Variants in DPP10 observed in about 807,000 individuals in gnomAD.
DPP10 encodes the protein dipeptidyl peptidase like 10.
DPP10 carries 33 observed loss-of-function variants against 120.9 expected under a neutral mutation model. The observed-to-expected ratio is 0.27, with a 90% confidence interval of 0.21 to 0.37. The LOEUF (loss-of-function observed/expected upper bound fraction) is 0.37, where lower values mean the gene tolerates loss of function less well. Among genes scored for constraint, DPP10 ranks in the 10% least tolerant of loss-of-function variants. DPP10 has a pLI of 1.00. For missense variants in DPP10, 816 were observed against 942.8 expected (o/e 0.87, Z 1.76); for synonymous variants, 337 against 326.1 (o/e 1.03, Z -0.36).
intron 13 of DPP10, among the ~76,000 whole-genome samples, chr2:115,769,912 T>C (rs993182862): frequency 6.6e-6 from 1 of 151,120 alleles, no homozygotes; most frequent in Non-Finnish European, 1.5e-5. Flanking sequence ...TGACATTTCA[T>C]TGAATTTTTA....
At chr2:115,504,561 T>G (rs1009637459) in intron 4 of DPP10, among the ~76,000 whole-genome samples, 6 of 152,126 alleles carry the variant, frequency 3.9e-5, no homozygotes, top group African/African-American at 7.2e-5. Flanking sequence ...AAATGATTAT[T>G]TATGTTTGTT....
intron 5 of DPP10, among the ~76,000 whole-genome samples, chr2:115,572,993 A>G (rs529372435): frequency 1.2e-4 from 19 of 152,302 alleles, no homozygotes; most frequent in African/African-American, 4.3e-4. Flanking sequence ...AGCTGTTTCT[A>G]AATGCTGAGA....
chr2:114,779,577 G>C (rs544617751), intron 1 of DPP10, among the ~76,000 whole-genome samples: 1 of 152,002 alleles, frequency 6.6e-6, no homozygotes, highest in Non-Finnish European at 1.5e-5. Context: ...ATCAGTTTAC[G>C]CTGAGGACTT....
intron 1 of DPP10, among the ~76,000 whole-genome samples, chr2:115,148,507 T>G (rs550771722): frequency 6.6e-6 from 1 of 152,246 alleles, no homozygotes; most frequent in South Asian, 2.1e-4. Context: ...CAGGAGCAAT[T>G]TTATAGCTGT....
intron 5 of DPP10, among the ~76,000 whole-genome samples, chr2:115,672,660 C>A (rs2089971713): frequency 4.4e-5 from 5 of 112,592 alleles, no homozygotes; most frequent in African/African-American, 1.6e-4. Context: ...CTCTTTCTTT[C>A]TTTCTTTCTC....
intron 3 of DPP10, among the ~76,000 whole-genome samples, chr2:115,493,518 A>G (rs945887457): frequency 2.4e-4 from 12 of 49,444 alleles, no homozygotes; most frequent in Non-Finnish European, 3.7e-4. Flanking sequence ...GAGCTGTTGG[A>G]AAAAAAAAAA....
chr2:114,594,783 G>A (rs1020996639), intron 1 of DPP10, among the ~76,000 whole-genome samples: 2 of 151,884 alleles, frequency 1.3e-5, no homozygotes, highest in Non-Finnish European at 2.9e-5. Context: ...TAAATTCATT[G>A]TTGCTATCTT....
chr2:114,753,556 T>TA (rs1223452334), intron 1 of DPP10, among the ~76,000 whole-genome samples: 1 of 152,154 alleles, frequency 6.6e-6, no homozygotes, highest in Non-Finnish European at 1.5e-5. Flanking sequence ...CTTGATATGA[T>TA]AAAATATGTT....
At chr2:114,668,847 G>A (rs1698126276) in intron 1 of DPP10, among the ~76,000 whole-genome samples, 1 of 151,886 alleles carries the variant, frequency 6.6e-6, no homozygotes, top group African/African-American at 2.4e-5. Flanking sequence ...CAGAAGTTAT[G>A]CCCTTTATTA....
At chr2:115,805,367 C>A (rs1455430709) in intron 19 of DPP10, among the ~76,000 whole-genome samples, 2 of 152,120 alleles carry the variant, frequency 1.3e-5, no homozygotes, top group African/African-American at 4.8e-5. Flanking sequence ...TTCCCTGACC[C>A]CTTGCGCTTC....
At chr2:115,089,424 T>C (rs1235864147) in intron 1 of DPP10, among the ~76,000 whole-genome samples, 1 of 152,216 alleles carries the variant, frequency 6.6e-6, no homozygotes, top group Non-Finnish European at 1.5e-5. Context: ...TAATTGGACA[T>C]ATCCCTAATG....
At chr2:114,916,211 A>C (rs1694792950) in intron 1 of DPP10, among the ~76,000 whole-genome samples, 1 of 152,222 alleles carries the variant, frequency 6.6e-6, no homozygotes, top group Non-Finnish European at 1.5e-5. Context: ...TATTCACATA[A>C]ACTACAAAAC....
chr2:114,681,351 A>T (rs1462233456), intron 1 of DPP10, among the ~76,000 whole-genome samples: 1 of 151,998 alleles, frequency 6.6e-6, no homozygotes, highest in Non-Finnish European at 1.5e-5. Context: ...CTCTCAAGCC[A>T]GTTTTCAATT....
intron 7 of DPP10, among the ~76,000 whole-genome samples, chr2:115,701,236 G>A (rs1424420031): frequency 2.6e-5 from 4 of 152,108 alleles, no homozygotes; most frequent in Middle Eastern, 3.4e-3. Context: ...TAACTGTGCT[G>A]GTACAAAGAC....
intron 1 of DPP10, among the ~76,000 whole-genome samples, chr2:114,932,288 A>G (rs1262542371): frequency 3.3e-5 from 5 of 152,246 alleles, no homozygotes; most frequent in Admixed American, 2.6e-4. Context: ...TCTGTCCTGT[A>G]GCCCAACAAT....
chr2:115,219,593 G>A (rs958631389), intron 1 of DPP10, among the ~76,000 whole-genome samples: 1 of 152,092 alleles, frequency 6.6e-6, no homozygotes, highest in African/African-American at 2.4e-5. Context: ...CCATCAAAAT[G>A]ATGTTAATCA....
At chr2:114,790,503 C>G (rs892101071) in intron 1 of DPP10, among the ~76,000 whole-genome samples, 1 of 152,128 alleles carries the variant, frequency 6.6e-6, no homozygotes, top group Admixed American at 6.6e-5. Context: ...GGCCACCAAA[C>G]AGGCTTTGTG....
intron 1 of DPP10, among the ~76,000 whole-genome samples, chr2:114,961,033 C>CTTTTTTTTTTTTTTTT (rs772146022): frequency 3.8e-5 from 2 of 52,028 alleles, no homozygotes; most frequent in African/African-American, 1.5e-4. Context: ...CTCTATACGC[C>CTTTTTTTTTTTTTTTT]TTTTTTTTTT....
chr2:115,813,350 A>C (rs1445190303), intron 19 of DPP10, among the ~76,000 whole-genome samples: 1 of 152,198 alleles, frequency 6.6e-6, no homozygotes, highest in African/African-American at 2.4e-5. Flanking sequence ...CTTGGGTTGC[A>C]GACGACCGCC....
Sources: gnomAD v4.1 joint callset for allele counts (sites outside exome capture counted in the v4.1 genomes callset) on GRCh38, gnomAD v4.1.1 for gene constraint, MANE v1.5 for transcripts, NCBI Gene and HGNC (gene_info 2026-07-23, HGNC 2026-07-21) for gene names.